Variants in ATOSA observed in about 807,000 individuals in gnomAD.
The protein encoded by ATOSA is atos homolog protein A.
chr15:52,643,919 A>G, the ATOSA span, among the ~76,000 whole-genome samples: 1 of 151,106 alleles, frequency 6.6e-6, no homozygotes, highest in East Asian at 2.1e-4. Context: ...TCTCAAAACA[A>G]ACAAACAAAA....
At chr15:52,706,872 A>C in the ATOSA span, among the ~76,000 whole-genome samples, 65,649 of 151,908 alleles carry the variant, frequency 0.43, 14,486 homozygotes, top group Admixed American at 0.52. Context: ...GAGAAAGTAG[A>C]CTAGTGTTTC....
At chr15:52,636,496 T>C in the ATOSA span, among the ~76,000 whole-genome samples, 1 of 152,138 alleles carries the variant, frequency 6.6e-6, no homozygotes, top group Non-Finnish European at 1.5e-5. Context: ...ACTGGGAATA[T>C]AAAGAAATGT....
At chr15:52,628,216 A>G in the ATOSA span, among the ~76,000 whole-genome samples, 6 of 152,230 alleles carry the variant, frequency 3.9e-5, no homozygotes, top group African/African-American at 1.4e-4. Context: ...GAACAGAATC[A>G]ATATAAAATA....
chr15:52,618,458 CAG>C, the ATOSA span, among the ~76,000 whole-genome samples: 160 of 152,214 alleles, frequency 1.1e-3, 1 homozygote, highest in African/African-American at 3.3e-3. Flanking sequence ...GCAAAACTAA[CAG>C]GTTAGATTAG....
the ATOSA span, among the ~76,000 whole-genome samples, chr15:52,680,728 C>G: frequency 6.6e-6 from 1 of 152,186 alleles, no homozygotes; most frequent in East Asian, 1.9e-4. Flanking sequence ...CTGAAATGTT[C>G]TGGCATCATG....
At chr15:52,606,564 T>C in the ATOSA span, among the ~76,000 whole-genome samples, 11 of 152,142 alleles carry the variant, frequency 7.2e-5, no homozygotes, top group Non-Finnish European at 1.3e-4. Flanking sequence ...ACACAGTAAA[T>C]TGTTTATTAC....
the ATOSA span, among the ~76,000 whole-genome samples, chr15:52,667,467 G>C: frequency 3.2e-4 from 49 of 152,224 alleles, no homozygotes; most frequent in African/African-American, 1.0e-3. Flanking sequence ...TACTATGTAA[G>C]TATTAGATTG....
chr15:52,596,041 G>C, the ATOSA span, among the ~76,000 whole-genome samples: 71 of 152,226 alleles, frequency 4.7e-4, 1 homozygote, highest in African/African-American at 1.4e-3. Context: ...TTCAACCCAG[G>C]AGATCCAGGC....
chr15:52,614,900 A>C, the ATOSA span, among the ~76,000 whole-genome samples: 1 of 152,182 alleles, frequency 6.6e-6, no homozygotes, highest in African/African-American at 2.4e-5. Flanking sequence ...TTTTGCACAC[A>C]AATCATCACT....
chr15:52,704,962 T>C, the ATOSA span, among the ~76,000 whole-genome samples: 2 of 152,190 alleles, frequency 1.3e-5, no homozygotes, highest in African/African-American at 4.8e-5. Flanking sequence ...CTCAAGGATC[T>C]AGAACTAGAA....
chr15:52,658,048 T>G, the ATOSA span: 2 of 152,142 alleles, frequency 1.3e-5, no homozygotes, highest in Non-Finnish European at 2.9e-5. Context: ...ATTACTACCA[T>G]CCCCTCCACT....
the ATOSA span, among the ~76,000 whole-genome samples, chr15:52,672,686 C>A: frequency 4.6e-5 from 7 of 152,118 alleles, no homozygotes; most frequent in African/African-American, 1.7e-4. Context: ...GGCTCAGACC[C>A]CATGGGTTTC....
At chr15:52,645,409 G>A in the ATOSA span, among the ~76,000 whole-genome samples, 2 of 151,882 alleles carry the variant, frequency 1.3e-5, no homozygotes, top group Admixed American at 6.6e-5. Flanking sequence ...ATGCCACTGC[G>A]CTCCAGCCTG....
At chr15:52,611,739 C>A in the ATOSA span, 7 of 1,613,902 alleles carry the variant, frequency 4.3e-6, no homozygotes, top group Non-Finnish European at 5.9e-6. Context: ...TCTTCCACAA[C>A]AATGTGACCT....
chr15:52,647,506 G>A, the ATOSA span, among the ~76,000 whole-genome samples: 2 of 152,202 alleles, frequency 1.3e-5, no homozygotes, highest in Admixed American at 6.5e-5. Context: ...TATCTGTGAT[G>A]ATATTTAATT....
the ATOSA span, among the ~76,000 whole-genome samples, chr15:52,617,190 G>A: frequency 3.9e-5 from 6 of 152,232 alleles, no homozygotes; most frequent in South Asian, 6.2e-4. Context: ...GGGTGGTAAC[G>A]CATGTAGCTT....
chr15:52,688,595 A>G, the ATOSA span, among the ~76,000 whole-genome samples: 2 of 152,224 alleles, frequency 1.3e-5, no homozygotes, highest in East Asian at 3.8e-4. Context: ...AAAAGTACTT[A>G]GTTTCAGACA....
At chr15:52,702,505 GAACAGAAAACCAA>G in the ATOSA span, among the ~76,000 whole-genome samples, 1 of 152,234 alleles carries the variant, frequency 6.6e-6, no homozygotes, top group African/African-American at 2.4e-5. Context: ...ATAATTGCAG[GAACAGAAAACCAA>G]ATACAACATG....
chr15:52,678,843 C>G, the ATOSA span: 1 of 153,552 alleles, frequency 6.5e-6, no homozygotes, highest in South Asian at 2.0e-4. Context: ...GCCGCGTCTG[C>G]CCCTCTCCCC....
Sources: allele counts gnomAD v4.1 joint callset (sites outside exome capture counted in the v4.1 genomes callset), GRCh38; gene constraint gnomAD v4.1.1; transcripts MANE v1.5; gene names NCBI Gene and HGNC (gene_info 2026-07-23, HGNC 2026-07-21).